The following WFDC3 variants were observed in gnomAD, a reference collection of about 807,000 sequenced individuals.
WFDC3 encodes the protein WAP four-disulfide core domain 3, also known as WAP four-disulfide core domain protein 3.
A neutral mutation model predicts 25.8 loss-of-function variants in WFDC3; 15 were observed. That is an observed-to-expected ratio of 0.58 (90% confidence interval 0.39 to 0.89). WFDC3 has a LOEUF of 0.89. Ranked by LOEUF, WFDC3 falls within the 40% of genes least tolerant of loss-of-function variation. WFDC3 has a pLI of 0.00. For synonymous variants in WFDC3, 103 were observed against 107.1 expected, an observed-to-expected ratio of 0.96 and a Z score of 0.24; for missense variants, 264 against 289.8, an observed-to-expected ratio of 0.91 and a Z score of 0.65.
At chr20:45,783,396 T>G (rs527453457) in intron 4 of WFDC3, among the ~76,000 whole-genome samples, 3 of 152,114 alleles carry the variant, frequency 2.0e-5, no homozygotes, top group African/African-American at 7.2e-5. Context: ...AAGGATCACC[T>G]GAGCCCAGGA....
intron 4 of WFDC3, among the ~76,000 whole-genome samples, chr20:45,785,481 A>G (rs941146123): frequency 6.6e-6 from 1 of 151,430 alleles, no homozygotes; most frequent in Non-Finnish European, 1.5e-5. Context: ...AAAAAAAAGA[A>G]CATTTCAGTA....
chr20:45,791,071 C>T (rs1980950196), intron 1 of WFDC3: 1 of 380,136 alleles, frequency 2.6e-6, no homozygotes. Context: ...TTAATAGGAT[C>T]AAAAAGTTTG....
chr20:45,776,658 A>ATGTGTGTG lies in WFDC3; in HGVS notation c.493+416_493+417insCACACACA, dbSNP rs1226207681. Reference sequence around the variant, plus strand: ...AAAATATATATATATATATATATATATATGTGTGTGTGTGTTTCCAACTAA... The same window carrying ATGTGTGTG: ...AAAATATATATATATATATATATATATGTGTGTGTATGTGTGTGTGTGTTTCCAACTAA... On this transcript the variant is annotated intron_variant, in intron 5 of 6. Transcript: ENST00000243938. Among the ~76,000 whole-genome samples the ATGTGTGTG allele has an allele frequency of 4.9e-3, 467 of 95,208 alleles. 3 individuals are homozygous for ATGTGTGTG. Among genetic ancestry groups the ATGTGTGTG allele is most frequent in the African/African-American group, 0.016 (448 of 27,938 alleles). 62.5% of individuals were successfully genotyped at this position (95,208 alleles called of 152,430 possible).
At chr20:45,784,656 G>A (rs961111399) in intron 4 of WFDC3, among the ~76,000 whole-genome samples, 2 of 151,936 alleles carry the variant, frequency 1.3e-5, no homozygotes, top group Admixed American at 6.6e-5. Context: ...CAGGAGAATC[G>A]CTTGAACCTG....
At chr20:45,783,481 T>C (rs1980539092) in intron 4 of WFDC3, among the ~76,000 whole-genome samples, 1 of 151,858 alleles carries the variant, frequency 6.6e-6, no homozygotes, top group East Asian at 1.9e-4. Context: ...TTGTCCCAGA[T>C]AAATAAATAA....
At chr20:45,778,747 A>G (rs1980305340) in intron 4 of WFDC3, 1 of 152,202 alleles carries the variant, frequency 6.6e-6, no homozygotes, top group Non-Finnish European at 1.5e-5. Flanking sequence ...CAAGGATGGA[A>G]GAGGCCTTTG....
At position 45,777,083 on chromosome 20, in the gene WFDC3, A is replaced by G. The variant is rs1241036856; in HGVS notation, c.485T>C (p.Ile162Thr). 2 of 1,612,860 alleles carry G rather than the reference A, an allele frequency of 1.2e-6. No homozygotes were observed. Among genetic ancestry groups the G allele is most frequent in the South Asian group, 1.1e-5 (1 of 91,014 alleles). Residue 162 changes from isoleucine (I) to threonine (T), a missense_variant, in exon 5 of 7, where the codon ATT becomes ACT. Coordinates refer to ENST00000243938, the MANE Select transcript of WFDC3 (RefSeq NM_080614.2). ...CAAAAGAGCCAACATACCTCCCTCA[A>G]TGTCTCCGAGGCAGGTGCGGCCACA... ...TGCGRTCLGD[I>T]EGGRGGDCPK...
chr20:45,775,484 G>C lies in WFDC3; in HGVS notation c.612C>G (p.Val204=), dbSNP rs1436617584. Residue 204 remains valine, a synonymous_variant, in exon 6 of 7, where the codon GTC becomes GTG. Coordinates refer to ENST00000243938, the MANE Select transcript of WFDC3 (RefSeq NM_080614.2). ...CCKSGCGRFC[V]PPVLPPKLTM... The stretch of plus-strand genomic sequence containing the variant: ...TCAGTTTTGGGGGCAGGACTGGTGG[G>C]ACACAGAAGCGGCCACAGCCTGACT... 3 of 1,614,228 alleles carry C rather than the reference G, an allele frequency of 1.9e-6. No homozygotes were observed. The highest frequency in any genetic ancestry group is 2.5e-6 in the Non-Finnish European group (3 of 1,180,038).
intron 4 of WFDC3, among the ~76,000 whole-genome samples, chr20:45,783,242 C>A (rs978744573): frequency 6.6e-6 from 1 of 152,100 alleles, no homozygotes; most frequent in African/African-American, 2.4e-5. Context: ...AAGGGGCGGA[C>A]CAGAACACAG....
At position 45,777,076 on chromosome 20, in the gene WFDC3, TC is replaced by T; in HGVS notation, c.491del (p.Gly164GlufsTer20). 6.2e-7 allele frequency: 1 copy of T among 1,612,546 alleles called. No homozygotes were observed. Among genetic ancestry groups the T allele is most frequent in the East Asian group, 2.2e-5 (1 of 44,778 alleles). On this transcript the variant is annotated frameshift_variant and splice_region_variant, in exon 5 of 7. Coordinates refer to ENST00000243938, the MANE Select transcript of WFDC3 (RefSeq NM_080614.2). LOFTEE classifies it high-confidence loss of function. ...TTCTTCCCAAAAGAGCCAACATACC[TC>T]CCTCAATGTCTCCGAGGCAGGTGCG... is the stretch of plus-strand genomic sequence containing the variant. ...CGRTCLGDIE[G>X]GRGGDCPKVL...
intron 4 of WFDC3, among the ~76,000 whole-genome samples, chr20:45,780,063 C>CTTTTTTTTT (rs3080097): frequency 1.1e-5 from 1 of 88,586 alleles, no homozygotes; most frequent in African/African-American, 4.0e-5. Context: ...GCCTTTATAC[C>CTTTTTTTTT]TTTTTTTTTT....
Position 45,775,399 on chromosome 20 carries a change from A to G in WFDC3, c.679+18T>C. 1 of 1,611,932 alleles carries G rather than the reference A, an allele frequency of 6.2e-7. No homozygotes were observed. Among genetic ancestry groups the G allele is most frequent in the Non-Finnish European group, 8.5e-7 (1 of 1,178,460 alleles). The stretch of plus-strand genomic sequence containing the variant: ...TAGCAGTTGTCTGTTATTGTTGATG[A>G]CAATGGACTGTACTCACCTAATTCG... On this transcript the variant is annotated intron_variant, in intron 6 of 6. Coordinates refer to ENST00000243938, the MANE Select transcript of WFDC3 (RefSeq NM_080614.2).
rs1362661606 is a variant in WFDC3, at chr20:45,789,042, G to A, written c.100C>T (p.Pro34Ser). Residue 34 changes from proline to serine, a missense_variant, in exon 3 of 7, where the codon CCT becomes TCT. By Grantham distance (74) the Pro-to-Ser change is moderately conservative. Coordinates refer to ENST00000243938, the MANE Select transcript of WFDC3 (RefSeq NM_080614.2). ...AGEHAKEGEC[P>S]PHKNPCKELC... ...TCTTTGCATGGGTTCTTATGGGGAG[G>A]GCATTCTCCCTCTTTTGCTGCAAAA... The A allele has an allele frequency of 6.2e-7, 1 of 1,612,292 alleles. No homozygotes were observed. The highest frequency in any genetic ancestry group is 2.2e-5 in the East Asian group (1 of 44,804).
In WFDC3 at chr20:45,774,260, C is replaced by G; in HGVS notation, c.*168G>C. ...AAGAGAAGCACCACACACCCACTACCCAATCCAGGGCTATTTCCCATGCTC... is the reference window on the plus strand; with the variant it reads ...AAGAGAAGCACCACACACCCACTACGCAATCCAGGGCTATTTCCCATGCTC... On this transcript the variant is annotated 3_prime_UTR_variant, in exon 7 of 7. Coordinates refer to ENST00000243938, the MANE Select transcript of WFDC3 (RefSeq NM_080614.2). 1.1e-6 allele frequency: 1 copy of G among 877,496 alleles called. No homozygotes were observed. The highest frequency in any genetic ancestry group is 1.5e-5 in the South Asian group (1 of 66,318). The allele number at this position is 877,496 out of a possible 1,614,324, so 54.4% of individuals were successfully genotyped here.
rs944412641 is a variant in WFDC3, at chr20:45,781,090, A to G, written c.359-3881T>C. On this transcript the variant is annotated intron_variant, in intron 4 of 6. Transcript: ENST00000243938. The stretch of plus-strand genomic sequence containing the variant: ...CCCTGTCTCTACTAAAAATACAAAA[A>G]AAAAAAAAAAAAGCCGGGTGTGGTG... Among the ~76,000 whole-genome samples, 3 of 151,864 alleles carry G rather than the reference A, an allele frequency of 2.0e-5. No individual in the cohort carries two copies. The East Asian group carries it at 5.8e-4, about 29-fold the overall frequency.
chr20:45,789,942 G>A lies in WFDC3; in HGVS notation c.34C>T (p.Leu12Phe). 1 of 1,614,164 alleles carries A rather than the reference G, an allele frequency of 6.2e-7. No homozygotes were observed. ...MLSCLFLLKA[L>F]LALGSLESWI... ...GATTCCAGAGACCCAAGAGCAAGAA[G>A]TGCCTTCAGAAGAAAGAGGCAGCTT... Residue 12 changes from leucine to phenylalanine, a missense_variant, in exon 2 of 7, where the codon CTT (leucine) becomes TTT (phenylalanine). Leu to Phe is a conservative substitution (Grantham distance 22, BLOSUM62 0). Transcript: ENST00000243938.
chr20:45,777,038 A>T (rs767729943), intron 5 of WFDC3, 37 bp downstream of exon 5: 4 of 1,611,160 alleles, frequency 2.5e-6, no homozygotes, highest in Non-Finnish European at 2.5e-6. Context: ...CTTCTCAGGA[A>T]ACACTCAAGG....
At chr20:45,778,445 T>C (rs1006841674) in intron 4 of WFDC3, among the ~76,000 whole-genome samples, 3 of 152,196 alleles carry the variant, frequency 2.0e-5, no homozygotes, top group African/African-American at 7.2e-5. Flanking sequence ...GATACCAAGT[T>C]TATTCTGAGA....
Position 45,777,182 on chromosome 20 carries a change from T to C in WFDC3, c.386A>G (p.Asp129Gly), listed in dbSNP as rs745601231. Reference sequence around the variant, plus strand: ...ACACAGCTCCTCACACGGAAGGGGGTCAGCGGGACATTCACCACCAAACTC... The same window carrying C: ...ACACAGCTCCTCACACGGAAGGGGGCCAGCGGGACATTCACCACCAAACTC... ...LAEFGGECPA[D>G]PLPCEELCDG... The change falls in exon 5 of 7, where the codon GAC becomes GGC. Residue 129 changes from aspartate (D) to glycine (G), a missense_variant. Physicochemically the swap from Asp to Gly is moderately conservative, Grantham distance 94. Coordinates refer to ENST00000243938, the MANE Select transcript of WFDC3 (RefSeq NM_080614.2). 1.3e-6 allele frequency: 2 copies of C among 1,583,868 alleles called. No individual in the cohort carries two copies. The highest frequency in any genetic ancestry group is 3.6e-5 in the Admixed American group (2 of 55,330).
Sources: allele counts gnomAD v4.1 joint callset (sites outside exome capture counted in the v4.1 genomes callset), GRCh38; gene constraint gnomAD v4.1.1; transcripts MANE v1.5; gene names NCBI Gene and HGNC (gene_info 2026-07-23, HGNC 2026-07-21).